The following ANKRD31 variants were observed in gnomAD, a reference collection of about 807,000 sequenced individuals.
ANKRD31 encodes the protein ankyrin repeat domain 31, also known as ankyrin repeat domain-containing protein 31.
A neutral mutation model predicts 186.0 loss-of-function variants in ANKRD31; 147 were observed. The ratio of observed to expected loss-of-function variants is 0.79; its 90% CI spans 0.69 to 0.91. The LOEUF is 0.91. Ranked by LOEUF, ANKRD31 falls within the 40% of genes least tolerant of loss-of-function variation. The probability of loss-of-function intolerance (pLI) is 0.00; values close to 1 mark genes in which losing one functional copy is unlikely to be tolerated. For missense variants in ANKRD31, 1,986 were observed against 2,148.8 expected, an observed-to-expected ratio of 0.92 and a Z score of 1.50; for synonymous variants, 673 against 736.4, an observed-to-expected ratio of 0.91 and a Z score of 1.39.
intron 22 of ANKRD31, among the ~76,000 whole-genome samples, chr5:75,093,480 C>CACAACA (rs199939837): frequency 2.0e-5 from 3 of 151,858 alleles, no homozygotes; most frequent in Non-Finnish European, 4.4e-5. Flanking sequence ...AAAACTGTGT[C>CACAACA]ACAACAACAA....
In ANKRD31 at chr5:75,199,652, T is replaced by G; in HGVS notation, c.426A>C (p.Glu142Asp). The change falls in exon 6 of 26, where the codon GAA becomes GAC. Residue 142 changes from glutamate to aspartate, a missense_variant. By Grantham distance (45) the Glu-to-Asp change is conservative. Coordinates refer to ENST00000506364, the MANE Select transcript of ANKRD31 (RefSeq NM_001372053.1). ...CAACCTTTTCTATGTGTGGCAAAAC[T>G]TCAGGACTTTCAGCCTCTGGCCCTA... ...NIEGPEAESPEVLPHIEKELS... is the reference protein window; with the variant it reads ...NIEGPEAESPDVLPHIEKELS... 6.5e-7 allele frequency: 1 copy of G among 1,533,766 alleles called. No individual in the cohort carries two copies. Among genetic ancestry groups the G allele is most frequent in the Non-Finnish European group, 8.7e-7 (1 of 1,144,954 alleles).
intron 24 of ANKRD31, among the ~76,000 whole-genome samples, chr5:75,081,273 T>C (rs1477289903): frequency 6.6e-6 from 1 of 152,074 alleles, no homozygotes; most frequent in African/African-American, 2.4e-5. Context: ...AATTTCCTTT[T>C]CTTTTTTTTT....
chr5:75,147,413 T>C lies in ANKRD31; in HGVS notation c.1998A>G (p.Gly666=), dbSNP rs202045943. 487 of 1,521,768 alleles carry C rather than the reference T, an allele frequency of 3.2e-4. 3 individuals are homozygous for C. The highest frequency in any genetic ancestry group is 4.0e-5 in the Non-Finnish European group (46 of 1,141,280). The allele number at this position is 1,521,768 out of a possible 1,614,324, so 94.3% of individuals were successfully genotyped here. The change falls in exon 14 of 26, where the codon GGA becomes GGG. Residue 666 remains glycine (G), a synonymous_variant. Transcript: ENST00000506364. Reference sequence around the variant, plus strand: ...TATTTATAAATAAACTCGCTTTGCTTCCTTTATTGACTTTTACATGTTCCA... The same window carrying C: ...TATTTATAAATAAACTCGCTTTGCTCCCTTTATTGACTTTTACATGTTCCA... ...QKLEHVKVNK[G]SKASLFINKE...
intron 2 of ANKRD31, among the ~76,000 whole-genome samples, chr5:75,230,191 G>T (rs1382517074): frequency 6.6e-6 from 1 of 152,128 alleles, no homozygotes; most frequent in Admixed American, 6.6e-5. Context: ...TCCGGGGTTG[G>T]TTCCTGCCTT....
chr5:75,108,672 G>T (rs1747528421), intron 20 of ANKRD31, among the ~76,000 whole-genome samples: 1 of 152,080 alleles, frequency 6.6e-6, no homozygotes, highest in Non-Finnish European at 1.5e-5. Flanking sequence ...TCAGACACAT[G>T]ATTTGGTAAG....
Position 75,068,547 on chromosome 5 carries a change from C to A in ANKRD31, c.5765G>T (p.Cys1922Phe), listed in dbSNP as rs1406560820. ...GGGTGTTAGTTCCTCACATTCCACA[C>A]AAAACTTCCAATGCTGATCCATTAT... is the stretch of plus-strand genomic sequence containing the variant. ...CHIMDQHWKFCVECEELTP is the reference protein window; with the variant it reads ...CHIMDQHWKFFVECEELTP Residue 1922 changes from cysteine to phenylalanine, a missense_variant, in exon 26 of 26, where the codon TGT becomes TTT. Transcript: ENST00000506364. 1.3e-6 allele frequency: 2 copies of A among 1,518,346 alleles called. No individual in the cohort carries two copies. The highest frequency in any genetic ancestry group is 2.5e-5 in the South Asian group (2 of 78,478). The allele number at this position is 1,518,346 out of a possible 1,614,324, so 94.1% of individuals were successfully genotyped here. A position where few individuals can be genotyped will look rare whatever the true frequency, so the allele number is the denominator to read the frequency against.
At chr5:75,162,669 G>T (rs1162065984) in intron 11 of ANKRD31, among the ~76,000 whole-genome samples, 1 of 152,104 alleles carries the variant, frequency 6.6e-6, no homozygotes. Context: ...CTCTTGAATT[G>T]TACTCCCATA....
chr5:75,230,679 T>TA (rs1757894330), intron 1 of ANKRD31, 44 bp from the exon 2 acceptor site: 5 of 1,405,130 alleles, frequency 3.6e-6, no homozygotes, highest in Non-Finnish European at 4.8e-6. Flanking sequence ...TAATGTGTCT[T>TA]AAACAAAGAC....
chr5:75,212,745 C>T (rs1339005710), intron 3 of ANKRD31, among the ~76,000 whole-genome samples: 1 of 152,194 alleles, frequency 6.6e-6, no homozygotes, highest in East Asian at 1.9e-4. Context: ...TCACAACCTA[C>T]TGGCTTTTGT....
chr5:75,162,336 C>T (rs907858145), intron 11 of ANKRD31, among the ~76,000 whole-genome samples: 8 of 152,290 alleles, frequency 5.3e-5, no homozygotes, highest in Admixed American at 2.6e-4. Flanking sequence ...CGCTGGATTT[C>T]GGACTTGCAT....
chr5:75,080,621 T>G lies in ANKRD31; in HGVS notation c.5594A>C (p.Asp1865Ala). Residue 1865 changes from aspartate (D) to alanine (A), a missense_variant, in exon 25 of 26, where the codon GAC (aspartate) becomes GCC (alanine). Transcript: ENST00000506364. ...TGATTTGTTTGGTTCCTGTACTGGG[T>G]CATCTAAACAAGCAACTTCTGAAAG... Reference protein sequence around the residue: ...PCLPEVACLDDPVQEPNKSMF... With the variant: ...PCLPEVACLDAPVQEPNKSMF... 6.5e-7 allele frequency: 1 copy of G among 1,529,234 alleles called. No homozygotes were observed. The highest frequency in any genetic ancestry group is 8.7e-7 in the Non-Finnish European group (1 of 1,144,310). The allele number at this position is 1,529,234 out of a possible 1,614,324, so 94.7% of individuals were successfully genotyped here.
intron 22 of ANKRD31, among the ~76,000 whole-genome samples, chr5:75,092,772 C>A (rs1169604929): frequency 2.0e-5 from 3 of 152,000 alleles, no homozygotes; most frequent in Admixed American, 1.3e-4. Context: ...GTGAGAGTGA[C>A]CAGACACTGG....
chr5:75,144,033 C>G lies in ANKRD31; in HGVS notation c.3563G>C (p.Arg1188Thr). ...EHKTVQNFRKRQSFLKTTCNL... is the reference protein window; with the variant it reads ...EHKTVQNFRKTQSFLKTTCNL... Reference sequence around the variant, plus strand: ...GCAGGTAGTTTTTAAGAAACTTTGTCTTTTTCTGAAATTCTGAACTGTTTT... The same window carrying G: ...GCAGGTAGTTTTTAAGAAACTTTGTGTTTTTCTGAAATTCTGAACTGTTTT... The change falls in exon 15 of 26, where the codon AGA (arginine) becomes ACA (threonine). Residue 1188 changes from arginine to threonine, a missense_variant. Arg to Thr is a moderately conservative substitution (Grantham distance 71, BLOSUM62 -1). Coordinates refer to ENST00000506364, the MANE Select transcript of ANKRD31 (RefSeq NM_001372053.1). The G allele has an allele frequency of 5.0e-6, 2 of 397,312 alleles. No individual in the cohort carries two copies. The highest frequency in any genetic ancestry group is 7.2e-5 in the East Asian group (2 of 27,920). The allele number at this position is 397,312 out of a possible 1,614,324, so 24.6% of individuals were successfully genotyped here. A position where few individuals can be genotyped will look rare whatever the true frequency, so the allele number is the denominator to read the frequency against.
chr5:75,091,873 G>C (rs544573430), intron 22 of ANKRD31, among the ~76,000 whole-genome samples: 1 of 152,286 alleles, frequency 6.6e-6, no homozygotes, highest in African/African-American at 2.4e-5. Flanking sequence ...TGAGACAGAG[G>C]CTCCACCTTT....
chr5:75,201,530 A>T (rs1755822012), intron 5 of ANKRD31, among the ~76,000 whole-genome samples: 1 of 152,258 alleles, frequency 6.6e-6, no homozygotes, highest in Non-Finnish European at 1.5e-5. Context: ...ACAGAAAAAG[A>T]GATTTCACTT....
intron 5 of ANKRD31, among the ~76,000 whole-genome samples, chr5:75,202,910 C>T (rs1215089743): frequency 6.6e-6 from 1 of 152,240 alleles, no homozygotes. Flanking sequence ...GCAAGAAACA[C>T]ACAAAGCAAT....
chr5:75,124,627 T>C (rs1333655187), intron 17 of ANKRD31, among the ~76,000 whole-genome samples: 1 of 152,114 alleles, frequency 6.6e-6, no homozygotes, highest in Non-Finnish European at 1.5e-5. Context: ...AATGGAATAC[T>C]ACTCAGCCAT....
intron 12 of ANKRD31, among the ~76,000 whole-genome samples, chr5:75,150,073 G>A (rs781142573): frequency 1.3e-4 from 20 of 151,700 alleles, no homozygotes; most frequent in Non-Finnish European, 2.5e-4. Context: ...ATAATGTACC[G>A]GGTACTGTGT....
chr5:75,142,846 C>T (rs1751150556), intron 15 of ANKRD31, among the ~76,000 whole-genome samples: 1 of 152,060 alleles, frequency 6.6e-6, no homozygotes. Flanking sequence ...GCTCAAGTGG[C>T]TTACAGTCTG....
Sources: allele counts gnomAD v4.1 joint callset (sites outside exome capture counted in the v4.1 genomes callset), GRCh38; gene constraint gnomAD v4.1.1; transcripts MANE v1.5; gene names NCBI Gene and HGNC (gene_info 2026-07-23, HGNC 2026-07-21).